Variants in FANCI observed in about 807,000 individuals in gnomAD.
FANCI encodes the protein Fanconi anemia group I protein.
A neutral mutation model predicts 176.1 loss-of-function variants in FANCI; 156 were observed. The observed-to-expected ratio is 0.89, with a 90% CI of 0.78 to 1.01. The LOEUF is 1.01. Ranked by LOEUF, FANCI falls within the 50% of genes least tolerant of loss-of-function variation. FANCI has a pLI of 0.00. For missense variants in FANCI, 1,678 were observed against 1,534.1 expected (o/e 1.09, Z -1.57); for synonymous variants, 613 against 541.7 (o/e 1.13, Z -1.83).
At chr15:89,248,065 T>A (rs992979791) in intron 2 of FANCI, among the ~76,000 whole-genome samples, 1 of 152,246 alleles carries the variant, frequency 6.6e-6, no homozygotes, top group East Asian at 1.9e-4. Flanking sequence ...CTATAGTTAC[T>A]GATTGAGACA....
chr15:89,295,464 G>T (rs1373381530), intron 24 of FANCI, among the ~76,000 whole-genome samples: 2 of 151,830 alleles, frequency 1.3e-5, no homozygotes, highest in South Asian at 4.2e-4. Context: ...TTGGGAGTTC[G>T]AGACCAGTCT....
chr15:89,257,662 A>C (rs548091286), intron 2 of FANCI, among the ~76,000 whole-genome samples: 1 of 152,294 alleles, frequency 6.6e-6, no homozygotes, highest in African/African-American at 2.4e-5. Context: ...CACCTACAAG[A>C]AGAGCCCAAT....
chr15:89,256,424 A>G (rs1336686897), intron 2 of FANCI, among the ~76,000 whole-genome samples: 1 of 152,202 alleles, frequency 6.6e-6, no homozygotes, highest in African/African-American at 2.4e-5. Flanking sequence ...TATATATTTA[A>G]TAGAGAGATG....
In FANCI at chr15:89,306,178, C is replaced by G. The variant is rs757106031; in HGVS notation, c.3521C>G (p.Thr1174Arg). 6 of 1,614,060 alleles carry G rather than the reference C, an allele frequency of 3.7e-6. No homozygotes were observed. Among genetic ancestry groups the G allele is most frequent in the Non-Finnish European group, 5.1e-6 (6 of 1,180,018 alleles). ...KDLCKMYTTL[T>R]ALVRYYLQVC... Reference sequence around the variant, plus strand: ...TTGTGCAAAATGTACACCACACTTACAGCCCTTGTCAGATATGTGAGTATT... The same window carrying G: ...TTGTGCAAAATGTACACCACACTTAGAGCCCTTGTCAGATATGTGAGTATT... Residue 1174 changes from threonine to arginine, a missense_variant, in exon 32 of 38, where the codon ACA (threonine) becomes AGA (arginine). This residue lies in a region of FANCI where 1,204 missense variants were observed against 1,077.4 expected (regional missense o/e 1.12). Transcript: ENST00000310775.
intron 6 of FANCI, 42 bp from the exon 7 acceptor site, chr15:89,263,377 A>G: frequency 1.3e-6 from 2 of 1,565,820 alleles, no homozygotes; most frequent in Non-Finnish European, 1.8e-6. Flanking sequence ...TTATATCTAA[A>G]TAAGTTGTAA....
intron 2 of FANCI, among the ~76,000 whole-genome samples, chr15:89,254,107 C>G (rs1260320061): frequency 6.6e-6 from 1 of 151,996 alleles, no homozygotes; most frequent in Non-Finnish European, 1.5e-5. Flanking sequence ...GCCTGTAATC[C>G]CAACACTTTG....
At chr15:89,296,234 G>C (rs184714230) in intron 24 of FANCI, among the ~76,000 whole-genome samples, 2 of 149,674 alleles carry the variant, frequency 1.3e-5, no homozygotes, top group East Asian at 3.9e-4. Context: ...AAAGTGCTGG[G>C]TTTACAGGCG....
At chr15:89,300,882 G>A (rs967818090) in intron 26 of FANCI, among the ~76,000 whole-genome samples, 9 of 152,228 alleles carry the variant, frequency 5.9e-5, no homozygotes, top group Non-Finnish European at 5.9e-5. Flanking sequence ...GAACAAAAGA[G>A]ACAAAATATT....
chr15:89,288,975 A>G (rs28463437), intron 18 of FANCI, among the ~76,000 whole-genome samples: 6,268 of 151,514 alleles, frequency 0.041, 433 homozygotes, highest in African/African-American at 0.14. Context: ...AGAAAGTCCA[A>G]ATCCTTCCAA....
intron 32 of FANCI, 59 bp downstream of exon 32, chr15:89,306,253 G>A: frequency 1.9e-6 from 3 of 1,550,138 alleles, no homozygotes; most frequent in South Asian, 1.1e-5. Flanking sequence ...GCCAGGAGAT[G>A]AGGATGGGGC....
At chr15:89,313,079 C>A in intron 35 of FANCI, 107 bp downstream of exon 35, 1 of 1,060,564 alleles carries the variant, frequency 9.4e-7, no homozygotes, top group Non-Finnish European at 1.5e-6. Context: ...ATTCCATTTT[C>A]ATGAAGTGCC....
At position 89,291,725 on chromosome 15, in the gene FANCI, T is replaced by C. The variant is rs1019806981; in HGVS notation, c.1992+11T>C. 6.3e-7 allele frequency: 1 copy of C among 1,598,686 alleles called. No individual in the cohort carries two copies. The highest frequency in any genetic ancestry group is 1.1e-5 in the South Asian group (1 of 90,760). ...CTACAAGAACCACTGGTGAGACTTT[T>C]ATTCTTCCTTCAACCATTATTTTTA... On this transcript the variant is annotated intron_variant, in intron 20 of 37. Transcript: ENST00000310775.
chr15:89,268,768 A>T (rs891006993), intron 10 of FANCI: 36 of 470,216 alleles, frequency 7.7e-5, no homozygotes, highest in Admixed American at 5.9e-4. Context: ...AGTTCTATTT[A>T]AAAAAACCCT....
chr15:89,295,191 GA>G (rs2054206603), intron 24 of FANCI, 97 bp downstream of exon 24: 2 of 1,389,886 alleles, frequency 1.4e-6, no homozygotes, highest in Admixed American at 2.7e-5. Flanking sequence ...TTTGAGGTTG[GA>G]CATATTTTAG....
intron 2 of FANCI, among the ~76,000 whole-genome samples, chr15:89,254,714 A>C (rs1466496429): frequency 6.6e-6 from 1 of 152,180 alleles, no homozygotes; most frequent in Non-Finnish European, 1.5e-5. Context: ...AGGGTTGCTG[A>C]GGCAGGAGAA....
At chr15:89,295,535 A>T (rs775870802) in intron 24 of FANCI, among the ~76,000 whole-genome samples, 1 of 152,072 alleles carries the variant, frequency 6.6e-6, no homozygotes. Context: ...GCATGGTGGC[A>T]CATGCCTGTC....
At chr15:89,281,952 C>T (rs115115837) in intron 16 of FANCI, 117 bp downstream of exon 16, 50 of 972,296 alleles carry the variant, frequency 5.1e-5, no homozygotes, top group African/African-American at 5.1e-4. Flanking sequence ...TTCCTAGCCC[C>T]GCAGAGCAAT....
intron 34 of FANCI, among the ~76,000 whole-genome samples, chr15:89,311,461 C>G (rs554757452): frequency 6.6e-6 from 1 of 152,094 alleles, no homozygotes; most frequent in South Asian, 2.1e-4. Context: ...TAGTCCTGCC[C>G]GCCCGGATCA....
chr15:89,251,271 A>C (rs1220396417), intron 2 of FANCI, among the ~76,000 whole-genome samples: 8 of 152,230 alleles, frequency 5.3e-5, no homozygotes, highest in South Asian at 4.1e-4. Context: ...TGAGATGGAA[A>C]GCTTAAGCAG....
Sources: gnomAD v4.1 joint callset for allele counts (sites outside exome capture counted in the v4.1 genomes callset) on GRCh38, gnomAD v4.1.1 for gene constraint, gnomAD v4.1.1 regional missense constraint, MANE v1.5 for transcripts, NCBI Gene and HGNC (gene_info 2026-07-23, HGNC 2026-07-21) for gene names.